The following OSBPL10 variants were observed in gnomAD, a reference collection of about 807,000 sequenced individuals.
OSBPL10 encodes the protein oxysterol-binding protein-related protein 10.
A neutral mutation model predicts 81.7 loss-of-function variants in OSBPL10; 49 were observed. That is an observed-to-expected ratio of 0.60 (90% confidence interval 0.48 to 0.76). The LOEUF is 0.76. Ranked by LOEUF, OSBPL10 falls within the 30% of genes least tolerant of loss-of-function variation. OSBPL10 has a pLI of 0.00. For missense variants in OSBPL10, 923 were observed against 987.8 expected (o/e 0.93, Z 0.88); for synonymous variants, 419 against 383.6 (o/e 1.09, Z -1.08).
chr3:31,876,447 C>G lies in OSBPL10; in HGVS notation c.523G>C (p.Glu175Gln). 6.2e-7 allele frequency: 1 copy of G among 1,612,444 alleles called. No homozygotes were observed. The highest frequency in any genetic ancestry group is 1.3e-5 in the African/African-American group (1 of 75,020). The change falls in exon 3 of 12, where the codon GAA becomes CAA. Residue 175 changes from glutamate to glutamine, a missense_variant. Transcript: ENST00000396556. Reference protein sequence around the residue: ...QLRACAKYHMEMNSKSAPSSR... With the variant: ...QLRACAKYHMQMNSKSAPSSR... ...CGGTGACTTACCTTAGAATTCATTT[C>G]CATGTGGTATTTGGCACAAGCTCGA...
At chr3:31,741,469 T>C (rs1376501791) in intron 5 of OSBPL10, among the ~76,000 whole-genome samples, 1 of 152,212 alleles carries the variant, frequency 6.6e-6, no homozygotes, top group East Asian at 1.9e-4. Flanking sequence ...TCCACCATGT[T>C]GGCCTGGATG....
intron 1 of OSBPL10, among the ~76,000 whole-genome samples, chr3:31,973,222 G>A (rs1698611097): frequency 6.6e-6 from 1 of 152,152 alleles, no homozygotes; most frequent in Non-Finnish European, 1.5e-5. Context: ...CTGTCCACAA[G>A]CAGCCTCTGA....
At chr3:31,917,650 G>A (rs559835803) in intron 1 of OSBPL10, among the ~76,000 whole-genome samples, 1 of 148,358 alleles carries the variant, frequency 6.7e-6, no homozygotes, top group Non-Finnish European at 1.5e-5. Context: ...AGATAGGAAG[G>A]AGCACCTTGG....
At chr3:31,930,250 C>A (rs972252754) in intron 1 of OSBPL10, among the ~76,000 whole-genome samples, 14 of 151,956 alleles carry the variant, frequency 9.2e-5, no homozygotes, top group African/African-American at 3.4e-4. Context: ...AAAACATGTT[C>A]AACTTCATTC....
chr3:32,069,657 C>T (rs980167875), intron 1 of OSBPL10, among the ~76,000 whole-genome samples: 10 of 152,172 alleles, frequency 6.6e-5, no homozygotes, highest in African/African-American at 1.7e-4. Flanking sequence ...AATTGGAATC[C>T]GGCCCTCAAA....
intron 5 of OSBPL10, among the ~76,000 whole-genome samples, chr3:31,738,439 A>T (rs1697253804): frequency 6.6e-6 from 1 of 152,204 alleles, no homozygotes; most frequent in Non-Finnish European, 1.5e-5. Flanking sequence ...AAATGCCAAA[A>T]GATGAACAGG....
chr3:31,949,715 T>C (rs1378649986), intron 1 of OSBPL10, among the ~76,000 whole-genome samples: 2 of 135,426 alleles, frequency 1.5e-5, no homozygotes, highest in Non-Finnish European at 3.1e-5. Context: ...ACTGGGTTCC[T>C]ACCTCACAGA....
chr3:31,704,770 C>T (rs571126374), intron 6 of OSBPL10: 1 of 152,314 alleles, frequency 6.6e-6, no homozygotes, highest in South Asian at 2.1e-4. Flanking sequence ...CACTGCTACA[C>T]TCACTGTGAT....
chr3:31,814,822 A>G (rs1412450471), intron 4 of OSBPL10, among the ~76,000 whole-genome samples: 2 of 152,210 alleles, frequency 1.3e-5, no homozygotes, highest in Non-Finnish European at 2.9e-5. Flanking sequence ...ATATGGGGCT[A>G]TTTAGGCTAC....
chr3:31,748,623 G>A lies in OSBPL10; in HGVS notation c.730-503C>T, dbSNP rs1419898844. On this transcript the variant is annotated intron_variant, in intron 4 of 11. Coordinates refer to ENST00000396556, the MANE Select transcript of OSBPL10 (RefSeq NM_017784.5). The stretch of plus-strand genomic sequence containing the variant: ...AGGAGATTACAAAGAAACCAATGCT[G>A]AGCCCCCTTCGCTCGCTTGCAAAAA... 3.7e-5 allele frequency among the ~76,000 whole-genome samples: 5 copies of A among 136,292 alleles called. No homozygotes were observed. In the Admixed American group the frequency reaches 4.0e-4, roughly 11 times the overall value. 89.4% of individuals were successfully genotyped at this position (136,292 alleles called of 152,430 possible).
At chr3:31,734,819 A>G (rs1221693750) in intron 5 of OSBPL10, among the ~76,000 whole-genome samples, 1 of 152,252 alleles carries the variant, frequency 6.6e-6, no homozygotes, top group Non-Finnish European at 1.5e-5. Flanking sequence ...CTAAAAGCAA[A>G]AAAAGAAAAA....
At chr3:31,844,144 G>C (rs1031728815) in intron 3 of OSBPL10, among the ~76,000 whole-genome samples, 1 of 152,218 alleles carries the variant, frequency 6.6e-6, no homozygotes, top group Non-Finnish European at 1.5e-5. Flanking sequence ...TCAGGCAAAA[G>C]GGGACCCATG....
rs574204141 is a variant in OSBPL10, at chr3:31,930,195, G to A, written c.282-50365C>T. 3.1e-3 allele frequency among the ~76,000 whole-genome samples: 477 copies of A among 151,816 alleles called. 9 individuals carry two copies. Among genetic ancestry groups the A allele is most frequent in the Non-Finnish European group, 1.8e-3 (121 of 67,948 alleles). ...TTTTTTAATTAAAAAACAGTTCACA[G>A]ATAAGGATATATATACATATACATA... is the stretch of plus-strand genomic sequence containing the variant. On this transcript the variant is annotated intron_variant, in intron 1 of 11. Coordinates refer to ENST00000396556, the MANE Select transcript of OSBPL10 (RefSeq NM_017784.5).
At chr3:31,961,643 T>C (rs555982222) in intron 1 of OSBPL10, among the ~76,000 whole-genome samples, 151 of 152,208 alleles carry the variant, frequency 9.9e-4, no homozygotes, top group African/African-American at 3.5e-3. Context: ...CTCTATTTCC[T>C]AGGCTGGAGT....
chr3:31,859,282 C>G (rs1440312942), intron 3 of OSBPL10, among the ~76,000 whole-genome samples: 1 of 152,154 alleles, frequency 6.6e-6, no homozygotes, highest in African/African-American at 2.4e-5. Flanking sequence ...AAGAGACAAA[C>G]CATGAAATGG....
chr3:31,826,364 T>C (rs1575569394), intron 4 of OSBPL10, among the ~76,000 whole-genome samples: 2 of 152,242 alleles, frequency 1.3e-5, no homozygotes. Context: ...GATGATATTG[T>C]CTCTGAAATT....
At chr3:31,886,132 G>GA (rs1295674035) in intron 1 of OSBPL10, among the ~76,000 whole-genome samples, 2 of 151,884 alleles carry the variant, frequency 1.3e-5, no homozygotes, top group Admixed American at 6.6e-5. Flanking sequence ...AAACATGCAT[G>GA]AAAAAAATCT....
intron 1 of OSBPL10, among the ~76,000 whole-genome samples, chr3:31,918,094 T>C (rs1260775885): frequency 7.4e-6 from 1 of 134,820 alleles, no homozygotes; most frequent in Non-Finnish European, 1.5e-5. Flanking sequence ...TTTACTATTT[T>C]AATAAACTAA....
At chr3:31,783,809 AAAAAAAAAAAAAAAAT>A (rs1417268370) in intron 4 of OSBPL10, among the ~76,000 whole-genome samples, 1 of 74,858 alleles carries the variant, frequency 1.3e-5, no homozygotes, top group Non-Finnish European at 2.5e-5. Flanking sequence ...AAAAAAAAAA[AAAAAAAAAAAAAAAAT>A]ATATATATAT....
Sources: gnomAD v4.1 joint callset for allele counts (sites outside exome capture counted in the v4.1 genomes callset) on GRCh38, gnomAD v4.1.1 for gene constraint, MANE v1.5 for transcripts, NCBI Gene and HGNC (gene_info 2026-07-23, HGNC 2026-07-21) for gene names.